The following SRGAP3 variants were observed in gnomAD, a reference collection of about 807,000 sequenced individuals.
SRGAP3 encodes the protein SLIT-ROBO Rho GTPase activating protein 3.
A neutral mutation model predicts 121.1 loss-of-function variants in SRGAP3; 39 were observed. The observed-to-expected ratio is 0.32, with a 90% CI of 0.25 to 0.42. The LOEUF (loss-of-function observed/expected upper bound fraction) is 0.42, where lower values mean the gene tolerates loss of function less well. Among genes scored for constraint, SRGAP3 ranks in the 10% least tolerant of loss-of-function variants. The probability of loss-of-function intolerance (pLI) is 1.00; values close to 1 mark genes in which losing one functional copy is unlikely to be tolerated. For missense variants in SRGAP3, 1,213 were observed against 1,470.6 expected (o/e 0.82, Z 2.86); for synonymous variants, 601 against 570.0 (o/e 1.05, Z -0.77).
rs148729850 is a variant in SRGAP3, at chr3:9,228,190, T to G, written c.67+20695A>C. Among the ~76,000 whole-genome samples the G allele has an allele frequency of 3.0e-3, 451 of 152,052 alleles. 1 individual carries two copies. Among genetic ancestry groups the G allele is most frequent in the South Asian group, 5.4e-3 (26 of 4,810 alleles). On this transcript the variant is annotated intron_variant, in intron 1 of 21. Transcript: ENST00000383836. ...GGTGTCGTGGGGACCCAAGAGCTTC[T>G]GGGATAGGGAGGTGTAGGGGCTCAA...
chr3:9,003,208 G>A (rs890834344), intron 18 of SRGAP3, among the ~76,000 whole-genome samples: 1 of 152,126 alleles, frequency 6.6e-6, no homozygotes, highest in Non-Finnish European at 1.5e-5. Flanking sequence ...GGCCAGGCAC[G>A]GTGGCTCATG....
At chr3:9,138,068 C>CT (rs1949727395) in intron 1 of SRGAP3, among the ~76,000 whole-genome samples, 1 of 152,192 alleles carries the variant, frequency 6.6e-6, no homozygotes, top group African/African-American at 2.4e-5. Flanking sequence ...TGATGTTTAT[C>CT]TTTATGTTTT....
chr3:9,212,162 C>A (rs1032747680), intron 1 of SRGAP3, among the ~76,000 whole-genome samples: 3 of 152,146 alleles, frequency 2.0e-5, no homozygotes, highest in African/African-American at 7.2e-5. Flanking sequence ...CCAATGGAAA[C>A]CTCAGTGTCA....
Position 9,027,962 on chromosome 3 carries a change from C to T in SRGAP3, c.1540-967G>A, listed in dbSNP as rs189262530. 4.5e-3 allele frequency: 4,551 copies of T among 1,017,742 alleles called. 42 individuals are homozygous for T. The highest frequency in any genetic ancestry group is 0.018 in the South Asian group (1,379 of 75,118). 63.0% of individuals were successfully genotyped at this position (1,017,742 alleles called of 1,614,324 possible). ...CCACACCCCACCTGTGAATTCTTTCCTTGATTGACTGTGCCCAGGGACAGG... is the reference window on the plus strand; with the variant it reads ...CCACACCCCACCTGTGAATTCTTTCTTTGATTGACTGTGCCCAGGGACAGG... On this transcript the variant is annotated intron_variant, in intron 12 of 21. Transcript: ENST00000383836.
At chr3:9,228,043 T>A (rs748144339) in intron 1 of SRGAP3, among the ~76,000 whole-genome samples, 1 of 152,152 alleles carries the variant, frequency 6.6e-6, no homozygotes, top group African/African-American at 2.4e-5. Flanking sequence ...AATCTGATGA[T>A]CATAGTTTGA....
At chr3:9,059,701 C>T (rs1273624187) in intron 6 of SRGAP3, 1 of 208,682 alleles carries the variant, frequency 4.8e-6, no homozygotes, top group Non-Finnish European at 9.8e-6. Context: ...GTCAGTGTTC[C>T]GTTCTCCATT....
intron 3 of SRGAP3, among the ~76,000 whole-genome samples, chr3:9,087,533 A>C (rs1947555873): frequency 6.6e-6 from 1 of 152,198 alleles, no homozygotes; most frequent in Non-Finnish European, 1.5e-5. Flanking sequence ...AAGAGGATTA[A>C]GGGGATACTT....
At chr3:9,289,479 G>A (rs906013461) in intron 3 of SRGAP3, among the ~76,000 whole-genome samples, 1 of 152,144 alleles carries the variant, frequency 6.6e-6, no homozygotes, top group African/African-American at 2.4e-5. Context: ...TTTCTGCTAG[G>A]CATCTTAAGA....
intron 1 of SRGAP3, among the ~76,000 whole-genome samples, chr3:9,237,825 T>C (rs762148604): frequency 1.3e-4 from 20 of 152,200 alleles, no homozygotes; most frequent in Non-Finnish European, 2.5e-4. Flanking sequence ...GAGATGCTAC[T>C]GAAGGGTTTT....
At chr3:9,017,706 C>A (rs1196444533) in intron 14 of SRGAP3, among the ~76,000 whole-genome samples, 1 of 152,056 alleles carries the variant, frequency 6.6e-6, no homozygotes, top group Non-Finnish European at 1.5e-5. Flanking sequence ...TAATAGAAAC[C>A]ATTGAAATGC....
intron 1 of SRGAP3, among the ~76,000 whole-genome samples, chr3:9,245,185 A>C (rs77140133): frequency 0.12 from 18,095 of 149,266 alleles, 1,377 homozygotes; most frequent in Middle Eastern, 0.17. Flanking sequence ...AAAATTGAAA[A>C]ATCTGTCTGG....
chr3:9,164,921 G>A (rs926317197), intron 1 of SRGAP3, among the ~76,000 whole-genome samples: 28 of 152,254 alleles, frequency 1.8e-4, no homozygotes, highest in Admixed American at 1.4e-3. Context: ...GAAGGTTCCT[G>A]TGGCTACCAA....
chr3:9,159,648 T>C (rs1291204357), intron 1 of SRGAP3, among the ~76,000 whole-genome samples: 1 of 79,624 alleles, frequency 1.3e-5, no homozygotes, highest in African/African-American at 2.9e-5. Context: ...CGTATACCCC[T>C]GATCCTAAAA....
chr3:9,126,566 G>A (rs1258307233), intron 1 of SRGAP3, among the ~76,000 whole-genome samples: 2 of 152,032 alleles, frequency 1.3e-5, no homozygotes, highest in Non-Finnish European at 2.9e-5. Flanking sequence ...GAAGGTGGAG[G>A]TTGCACGCCA....
chr3:9,356,538 A>T (rs912052994), intron 1 of SRGAP3, among the ~76,000 whole-genome samples: 1 of 151,482 alleles, frequency 6.6e-6, no homozygotes, highest in Non-Finnish European at 1.5e-5. Flanking sequence ...ACATCCGGCT[A>T]ATTTTTTTGT....
At chr3:9,070,216 C>T (rs1041114167) in intron 4 of SRGAP3, among the ~76,000 whole-genome samples, 2 of 152,254 alleles carry the variant, frequency 1.3e-5, no homozygotes, top group Non-Finnish European at 2.9e-5. Flanking sequence ...AAGTTGACAG[C>T]ATCCATAAAG....
At chr3:9,227,700 C>T (rs965370258) in intron 1 of SRGAP3, among the ~76,000 whole-genome samples, 5 of 152,202 alleles carry the variant, frequency 3.3e-5, no homozygotes, top group African/African-American at 4.8e-5. Context: ...AAATGCATTA[C>T]GGTGGCTACG....
chr3:8,997,878 GT>G (rs35922221), intron 18 of SRGAP3, among the ~76,000 whole-genome samples: 15 of 148,776 alleles, frequency 1.0e-4, no homozygotes, highest in South Asian at 2.1e-4. Context: ...ATTCATAGAG[GT>G]TTTTTTTTTT....
intron 3 of SRGAP3, among the ~76,000 whole-genome samples, chr3:9,097,444 G>A (rs947460632): frequency 1.3e-5 from 2 of 152,202 alleles, no homozygotes; most frequent in Non-Finnish European, 2.9e-5. Flanking sequence ...ATTAGGTGGA[G>A]CTCACACAGC....
Sources: gnomAD v4.1 joint callset for allele counts (sites outside exome capture counted in the v4.1 genomes callset) on GRCh38, gnomAD v4.1.1 for gene constraint, MANE v1.5 for transcripts, NCBI Gene and HGNC (gene_info 2026-07-23, HGNC 2026-07-21) for gene names.